The following WSCD2 variants were observed in gnomAD, a reference collection of about 807,000 sequenced individuals.
WSCD2 encodes the protein WSC domain sialate O sulfotransferase 2.
Under a neutral mutation model 55.7 loss-of-function variants are expected in WSCD2, and 28 were observed. The observed-to-expected ratio is 0.50, with a 90% CI of 0.37 to 0.69. The LOEUF (loss-of-function observed/expected upper bound fraction) is 0.69. Ranked by LOEUF, WSCD2 falls within the 30% of genes least tolerant of loss-of-function variation. The probability of loss-of-function intolerance (pLI) is 0.00; values close to 1 mark genes in which losing one functional copy is unlikely to be tolerated. For synonymous variants in WSCD2, 301 were observed against 301.9 expected, an observed-to-expected ratio of 1.00 and a Z score of 0.03; for missense variants, 616 against 762.1, an observed-to-expected ratio of 0.81 and a Z score of 2.26.
At chr12:108,130,602 A>G (rs918928791) in intron 1 of WSCD2, among the ~76,000 whole-genome samples, 2 of 151,888 alleles carry the variant, frequency 1.3e-5, no homozygotes, top group Non-Finnish European at 2.9e-5. Context: ...AGCCCCAGGT[A>G]TCTTGGAAAG....
chr12:108,215,841 A>T (rs1886768508), intron 4 of WSCD2, among the ~76,000 whole-genome samples: 2 of 152,220 alleles, frequency 1.3e-5, no homozygotes, highest in African/African-American at 4.8e-5. Context: ...CTTCAGAGAC[A>T]CTTGCAGCTG....
At position 108,206,249 on chromosome 12, in the gene WSCD2, T is replaced by A; in HGVS notation, c.383-40T>A. The A allele has an allele frequency of 1.9e-6, 3 of 1,575,356 alleles. No individual in the cohort carries two copies. The East Asian group carries it at 6.7e-5, about 35-fold the overall frequency. On this transcript the variant is annotated intron_variant, in intron 2 of 8. Coordinates refer to ENST00000547525, the MANE Select transcript of WSCD2 (RefSeq NM_014653.4). ...GGCTTCCTCCTGTAACCCTTGCAGC[T>A]TTGTCCCCAGCCACCTTTGACGTTT...
chr12:108,226,501 T>C (rs901063073), intron 5 of WSCD2, among the ~76,000 whole-genome samples: 1 of 152,134 alleles, frequency 6.6e-6, no homozygotes, highest in Non-Finnish European at 1.5e-5. Context: ...TCTTTTTCAG[T>C]TGTCTTTCCA....
At chr12:108,142,823 T>C (rs2136886353) in intron 1 of WSCD2, among the ~76,000 whole-genome samples, 1 of 152,230 alleles carries the variant, frequency 6.6e-6, no homozygotes, top group Non-Finnish European at 1.5e-5. Flanking sequence ...ATTTTTTTAT[T>C]TCTCTTTAGA....
intron 1 of WSCD2, among the ~76,000 whole-genome samples, chr12:108,157,090 T>C (rs1295207987): frequency 2.0e-5 from 3 of 152,208 alleles, no homozygotes; most frequent in African/African-American, 7.2e-5. Flanking sequence ...AGTTGTAAAC[T>C]TGAATGAGGG....
intron 5 of WSCD2, among the ~76,000 whole-genome samples, chr12:108,226,397 C>T (rs1156424494): frequency 6.6e-6 from 1 of 152,132 alleles, no homozygotes; most frequent in Non-Finnish European, 1.5e-5. Context: ...AAAGAGCAGA[C>T]TCAGACAGCT....
chr12:108,140,875 C>T (rs942843702), intron 1 of WSCD2, among the ~76,000 whole-genome samples: 1 of 152,234 alleles, frequency 6.6e-6, no homozygotes, highest in African/African-American at 2.4e-5. Flanking sequence ...CGTGGCAGAG[C>T]TGGGACTAGA....
chr12:108,191,089 C>G (rs958175820), intron 1 of WSCD2, among the ~76,000 whole-genome samples: 1 of 152,104 alleles, frequency 6.6e-6, no homozygotes, highest in African/African-American at 2.4e-5. Context: ...CAAATAGAGA[C>G]AGAGAGAAGT....
chr12:108,134,300 C>G (rs936709831), intron 1 of WSCD2, among the ~76,000 whole-genome samples: 4 of 152,176 alleles, frequency 2.6e-5, no homozygotes, highest in African/African-American at 9.7e-5. Context: ...AAGGAGCAGG[C>G]AAAACTTATG....
In WSCD2 at chr12:108,210,211, C is replaced by T. The variant is rs1418921435; in HGVS notation, c.588C>T (p.Asp196=). The T allele has an allele frequency of 6.2e-7, 1 of 1,614,008 alleles. No homozygotes were observed. The change falls in exon 4 of 9, where the codon GAC becomes GAT. Residue 196 remains aspartate, a synonymous_variant. Transcript: ENST00000547525. This position sits in a 1 kb window ranked among gnomAD's most constrained non-coding sequence, Gnocchi z 4.3. ...CGAACGTGAGCGAGGCAGAGTGCGA[C>T]ATGGAGTGCAAGGGCGAGCGAGGCA... ...QATNVSEAEC[D]MECKGERGSV... is the part of the protein sequence containing the mutation.
chr12:108,216,731 G>A (rs989009383), intron 4 of WSCD2, among the ~76,000 whole-genome samples: 9 of 152,222 alleles, frequency 5.9e-5, no homozygotes, highest in Admixed American at 3.9e-4. Context: ...CTGGAGGATG[G>A]TATTGAACAA....
intron 1 of WSCD2, among the ~76,000 whole-genome samples, chr12:108,175,188 C>G (rs1001159658): frequency 1.3e-5 from 2 of 152,176 alleles, no homozygotes; most frequent in Admixed American, 6.5e-5. Context: ...TACCAGCACA[C>G]AGGGGGCAGG....
chr12:108,178,853 A>G (rs909151311), intron 1 of WSCD2, among the ~76,000 whole-genome samples: 7 of 152,202 alleles, frequency 4.6e-5, no homozygotes, highest in Non-Finnish European at 7.3e-5. Context: ...ACATAATTCA[A>G]CCCACAACCG....
At chr12:108,171,335 CA>C (rs5800812) in intron 1 of WSCD2, among the ~76,000 whole-genome samples, 115,042 of 152,040 alleles carry the variant, frequency 0.76, 43,686 homozygotes, top group East Asian at 0.91. Flanking sequence ...ACGAAGAAGT[CA>C]AGAGAGAGGC....
chr12:108,192,748 A>G (rs904821192), intron 1 of WSCD2, among the ~76,000 whole-genome samples: 1 of 151,896 alleles, frequency 6.6e-6, no homozygotes, highest in African/African-American at 2.4e-5. Flanking sequence ...TCACCCAGAG[A>G]ATTTTGACTC....
intron 1 of WSCD2, among the ~76,000 whole-genome samples, chr12:108,194,339 G>A (rs577991373): frequency 1.3e-5 from 2 of 152,272 alleles, no homozygotes; most frequent in East Asian, 1.9e-4. Flanking sequence ...GCTGGTGACC[G>A]GGAGGCTGTA....
At chr12:108,156,713 C>A (rs1197145072) in intron 1 of WSCD2, among the ~76,000 whole-genome samples, 5 of 152,270 alleles carry the variant, frequency 3.3e-5, no homozygotes, top group African/African-American at 4.8e-5. Context: ...AAGTCAAATT[C>A]GACTTGGAGT....
At chr12:108,164,162 T>TTTTTTTTTTTTTC (rs1249949060) in intron 1 of WSCD2, among the ~76,000 whole-genome samples, 3 of 144,554 alleles carry the variant, frequency 2.1e-5, no homozygotes, top group Non-Finnish European at 4.5e-5. Flanking sequence ...TTTTTTTTTT[T>TTTTTTTTTTTTTC]CAGAGAGGGG....
chr12:108,159,292 T>C (rs556168698), intron 1 of WSCD2, among the ~76,000 whole-genome samples: 19 of 152,352 alleles, frequency 1.2e-4, no homozygotes, highest in African/African-American at 4.6e-4. Context: ...TGATAGCCAA[T>C]GTGCCTGTTG....
Sources: allele counts gnomAD v4.1 joint callset (sites outside exome capture counted in the v4.1 genomes callset), GRCh38; gene constraint gnomAD v4.1.1; non-coding constraint Gnocchi (gnomAD v3.1); transcripts MANE v1.5; gene names NCBI Gene and HGNC (gene_info 2026-07-23, HGNC 2026-07-21).